LINGO2: variants seen among roughly 807,000 people sequenced by gnomAD.
The protein encoded by LINGO2 is leucine-rich repeat and immunoglobulin-like domain-containing nogo receptor-interacting protein 2.
A neutral mutation model predicts 30.6 loss-of-function variants in LINGO2; 14 were observed. The observed-to-expected ratio is 0.46, with a 90% CI of 0.30 to 0.72. The LOEUF (loss-of-function observed/expected upper bound fraction) is 0.72, where lower values mean the gene tolerates loss of function less well. Among genes scored for constraint, LINGO2 ranks in the 30% least tolerant of loss-of-function variants. The pLI is 0.07. For synonymous variants in LINGO2, 317 were observed against 288.5 expected (o/e 1.10, Z -1.00); for missense variants, 729 against 751.7 (o/e 0.97, Z 0.35).
intron 1 of LINGO2, among the ~76,000 whole-genome samples, chr9:28,586,858 AT>A (rs1219101000): frequency 6.6e-6 from 1 of 151,938 alleles, no homozygotes; most frequent in Non-Finnish European, 1.5e-5. Flanking sequence ...TTAAAAAAAC[AT>A]TTTTCATAAT....
chr9:28,678,787 A>G, the LINGO2 span, among the ~76,000 whole-genome samples: 1 of 152,138 alleles, frequency 6.6e-6, no homozygotes, highest in Non-Finnish European at 1.5e-5. Context: ...ATAAACATGC[A>G]AACTTAAGAT....
intron 3 of LINGO2, among the ~76,000 whole-genome samples, chr9:28,316,449 G>A (rs1351501879): frequency 6.6e-6 from 1 of 152,080 alleles, no homozygotes; most frequent in African/African-American, 2.4e-5. Flanking sequence ...GGCTTTTAAA[G>A]GATTTAAGAT....
At chr9:27,976,906 T>G (rs563934347) in intron 5 of LINGO2, among the ~76,000 whole-genome samples, 1 of 152,236 alleles carries the variant, frequency 6.6e-6, no homozygotes, top group East Asian at 1.9e-4. Context: ...CGTGGTATTT[T>G]GCAGAACTTT....
At chr9:28,583,610 T>G (rs745334254) in intron 1 of LINGO2, among the ~76,000 whole-genome samples, 29 of 152,068 alleles carry the variant, frequency 1.9e-4, no homozygotes, top group Non-Finnish European at 3.5e-4. Flanking sequence ...AAAAAATTTT[T>G]CTTTTATGAA....
intron 1 of LINGO2, chr9:28,599,083 T>C (rs1825344030): frequency 6.6e-6 from 1 of 152,184 alleles, no homozygotes; most frequent in Non-Finnish European, 1.5e-5. Flanking sequence ...TATAAGTTTT[T>C]AGTCTTTATT....
At chr9:28,841,391 G>C in the LINGO2 span, among the ~76,000 whole-genome samples, 1 of 151,736 alleles carries the variant, frequency 6.6e-6, no homozygotes, top group Non-Finnish European at 1.5e-5. Flanking sequence ...TTCCTTATCT[G>C]TAATACTGGG....
At chr9:28,021,475 A>C (rs1823119537) in intron 4 of LINGO2, among the ~76,000 whole-genome samples, 1 of 152,032 alleles carries the variant, frequency 6.6e-6, no homozygotes, top group African/African-American at 2.4e-5. Context: ...CTGTTGCTGG[A>C]TGCCATATTC....
chr9:28,319,374 T>C (rs1337796302), intron 3 of LINGO2, among the ~76,000 whole-genome samples: 2 of 152,152 alleles, frequency 1.3e-5, no homozygotes, highest in Admixed American at 6.5e-5. Context: ...ATTTATATGA[T>C]TAGATTAAGA....
At chr9:28,310,936 A>G (rs1037304944) in intron 3 of LINGO2, among the ~76,000 whole-genome samples, 5 of 152,200 alleles carry the variant, frequency 3.3e-5, no homozygotes, top group African/African-American at 4.8e-5. Context: ...AACATGCTCA[A>G]GCAATTTTTA....
At chr9:28,537,728 T>C (rs1821497661) in intron 1 of LINGO2, among the ~76,000 whole-genome samples, 1 of 151,936 alleles carries the variant, frequency 6.6e-6, no homozygotes, top group Non-Finnish European at 1.5e-5. Context: ...ACTTATAATG[T>C]GTGTACCATA....
chr9:28,281,504 G>C (rs1315400097), intron 4 of LINGO2, among the ~76,000 whole-genome samples: 3 of 151,422 alleles, frequency 2.0e-5, no homozygotes, highest in Non-Finnish European at 4.4e-5. Context: ...CATATAAGGG[G>C]ATATAACGGG....
chr9:28,107,235 G>A (rs180816549), intron 4 of LINGO2, among the ~76,000 whole-genome samples: 88 of 152,240 alleles, frequency 5.8e-4, no homozygotes, highest in African/African-American at 2.0e-3. Context: ...CTAGCCAAAC[G>A]TCTATGAGGG....
At chr9:28,642,061 A>ATGTG (rs1217653123) in intron 1 of LINGO2, among the ~76,000 whole-genome samples, 28 of 129,042 alleles carry the variant, frequency 2.2e-4, no homozygotes, top group Admixed American at 2.1e-3. Context: ...TAAATGTTAT[A>ATGTG]TATGTGTGTG....
chr9:28,107,149 C>A (rs1173333392), intron 4 of LINGO2, among the ~76,000 whole-genome samples: 1 of 152,156 alleles, frequency 6.6e-6, no homozygotes, highest in Non-Finnish European at 1.5e-5. Context: ...TAGCACTACA[C>A]AACTCTCTTG....
intron 5 of LINGO2, among the ~76,000 whole-genome samples, chr9:27,972,447 TCCTCCTAAAAGC>T (rs779209608): frequency 3.7e-4 from 56 of 152,306 alleles, no homozygotes; most frequent in South Asian, 6.2e-4. Context: ...CGTTTCTCTG[TCCTCCTAAAAGC>T]CCTCCTAAAA....
At chr9:28,775,351 C>G in the LINGO2 span, among the ~76,000 whole-genome samples, 2 of 152,164 alleles carry the variant, frequency 1.3e-5, no homozygotes, top group African/African-American at 4.8e-5. Context: ...ATTTGTGAAT[C>G]TCACTGCTAT....
At chr9:29,032,019 C>T in the LINGO2 span, among the ~76,000 whole-genome samples, 2 of 152,030 alleles carry the variant, frequency 1.3e-5, no homozygotes, top group Non-Finnish European at 2.9e-5. Context: ...GTTTGTAATA[C>T]AAAATAGCAA....
chr9:29,170,622 C>A, the LINGO2 span, among the ~76,000 whole-genome samples: 1 of 151,940 alleles, frequency 6.6e-6, no homozygotes, highest in East Asian at 1.9e-4. Context: ...CTGGATCATG[C>A]ACATTATAGA....
chr9:29,185,726 C>A, the LINGO2 span, among the ~76,000 whole-genome samples: 1 of 152,156 alleles, frequency 6.6e-6, no homozygotes, highest in Non-Finnish European at 1.5e-5. Context: ...AAACTTCAGT[C>A]TTCTCTCTCC....
Sources: allele counts gnomAD v4.1 joint callset (sites outside exome capture counted in the v4.1 genomes callset), GRCh38; gene constraint gnomAD v4.1.1; transcripts MANE v1.5; gene names NCBI Gene and HGNC (gene_info 2026-07-23, HGNC 2026-07-21).